MUC3A: variants seen among roughly 807,000 people sequenced by gnomAD.
MUC3A encodes the protein mucin-3A.
In MUC3A, 109 loss-of-function variants were observed where a neutral mutation model predicts 109.0. The ratio of observed to expected loss-of-function variants is 1.00; its 90% CI spans 0.86 to 1.17. The LOEUF (loss-of-function observed/expected upper bound fraction) is 1.17. Among genes scored for constraint, MUC3A ranks in the 50% most tolerant of loss-of-function variants. MUC3A has a pLI of 0.00. For synonymous variants in MUC3A, 1,398 were observed against 981.4 expected, an observed-to-expected ratio of 1.42 and a Z score of -7.93; for missense variants, 3,537 against 2,469.4, an observed-to-expected ratio of 1.43 and a Z score of -9.16.
In MUC3A at chr7:100,959,350, A is replaced by C; in HGVS notation, c.7571A>C (p.His2524Pro). 1 of 1,541,456 alleles carries C rather than the reference A, an allele frequency of 6.5e-7. No individual in the cohort carries two copies. Among genetic ancestry groups the C allele is most frequent in the Admixed American group, 1.9e-5 (1 of 52,846 alleles). ...TDISTLPTRT[H>P]IISSSPSIQS... is the part of the protein sequence containing the mutation. ...ATCAGTACCTTACCAACTCGAACAC[A>C]CATCATTTCATCTTCTCCCTCCATC... Residue 2524 changes from histidine to proline, a missense_variant, in exon 2 of 12, where the codon CAC becomes CCC. His to Pro is a moderately conservative substitution (Grantham distance 77). Transcript: ENST00000379458.
At position 100,959,508 on chromosome 7, in the gene MUC3A, C is replaced by CAA; in HGVS notation, c.7729_7730insAA (p.Pro2577GlnfsTer9). ...AAGTATTGTTGTTATACCTGAAACC[C>CAA]CAACACAGACCCCTCCTGTACTGAC... On this transcript the variant is annotated frameshift_variant, in exon 2 of 12. Transcript: ENST00000379458. LOFTEE classifies it high-confidence loss of function. The CAA allele has an allele frequency of 6.3e-7, 1 of 1,575,416 alleles. No individual in the cohort carries two copies.
At chr7:100,965,139 T>TCCACA in intron 6 of MUC3A, 143 bp from the exon 7 acceptor site, 11 of 10,784 alleles carry the variant, frequency 1.0e-3, no homozygotes, top group African/African-American at 4.0e-3. Flanking sequence ...CGCCTGTGGC[T>TCCACA]CTCTCCGTCT....
chr7:100,967,105 A>G lies in MUC3A; in HGVS notation c.9931-16A>G. The G allele has an allele frequency of 6.3e-7, 1 of 1,598,546 alleles. No individual in the cohort carries two copies. Among genetic ancestry groups the G allele is most frequent in the Non-Finnish European group, 8.5e-7 (1 of 1,179,822 alleles). ...CAGTGGCTCCGCGTTCCCGTCCCTC[A>G]CTGTGACTCTGACAGGTGCACATCA... On this transcript the variant is annotated splice_polypyrimidine_tract_variant and intron_variant, in intron 11 of 11. Transcript: ENST00000379458.
rs1792287699 is a variant in MUC3A, at chr7:100,960,523, C to A, written c.8744C>A (p.Pro2915His). The change falls in exon 2 of 12, where the codon CCC (proline) becomes CAC (histidine). Residue 2915 changes from proline (P) to histidine (H), a missense_variant. Coordinates refer to ENST00000379458, the MANE Select transcript of MUC3A (RefSeq NM_005960.2). ...TSSKSTHPSPPTTRTSETPVA... is the reference protein window; with the variant it reads ...TSSKSTHPSPHTTRTSETPVA... Reference sequence around the variant, plus strand: ...AGCAAGTCAACACACCCCTCCCCACCCACCACTAGGACTTCAGAGACACCA... The same window carrying A: ...AGCAAGTCAACACACCCCTCCCCACACACCACTAGGACTTCAGAGACACCA... 1 of 1,598,724 alleles carries A rather than the reference C, an allele frequency of 6.3e-7. No individual in the cohort carries two copies. Among genetic ancestry groups the A allele is most frequent in the Non-Finnish European group, 8.5e-7 (1 of 1,179,822 alleles).
chr7:100,960,990 C>G, intron 3 of MUC3A, 53 bp downstream of exon 3: 2 of 1,597,862 alleles, frequency 1.3e-6, no homozygotes, highest in Middle Eastern at 1.7e-4. Flanking sequence ...GTGTCACTGA[C>G]TCTCCCCAGA....
chr7:100,960,382 C>A lies in MUC3A; in HGVS notation c.8603C>A (p.Thr2868Asn). ...NTVFTSTRLP[T>N]SETWLSNSSV... ...GTTTTCACAAGTACTCGACTGCCCA[C>A]CAGTGAGACCTGGCTGAGCAACAGT... The change falls in exon 2 of 12, where the codon ACC becomes AAC. Residue 2868 changes from threonine (T) to asparagine (N), a missense_variant. Physicochemically the swap from Thr to Asn is moderately conservative, Grantham distance 65. Coordinates refer to ENST00000379458, the MANE Select transcript of MUC3A (RefSeq NM_005960.2). 2 of 1,598,546 alleles carry A rather than the reference C, an allele frequency of 1.3e-6. No individual in the cohort carries two copies. The highest frequency in any genetic ancestry group is 1.7e-6 in the Non-Finnish European group (2 of 1,179,832).
chr7:100,957,346 C>A lies in MUC3A; in HGVS notation c.5567C>A (p.Thr1856Asn), dbSNP rs1002114063. ...GCTCTCACAGATTCCACGACCAGAA[C>A]CACCTATTCCACCAATATGACAGGT... Reference protein sequence around the residue: ...TSALTDSTTRTTYSTNMTGTL... With the variant: ...TSALTDSTTRNTYSTNMTGTL... The change falls in exon 2 of 12, where the codon ACC becomes AAC. Residue 1856 changes from threonine to asparagine, a missense_variant. By Grantham distance (65) the Thr-to-Asn change is moderately conservative. Transcript: ENST00000379458. 190 of 281,790 alleles carry A rather than the reference C, an allele frequency of 6.7e-4. 2 individuals carry two copies. In the South Asian group the frequency reaches 7.7e-3, roughly 11 times the overall value. 17.5% of individuals were successfully genotyped at this position (281,790 alleles called of 1,614,324 possible). A position where few individuals can be genotyped will look rare whatever the true frequency, so the allele number is the denominator to read the frequency against.
rs73714270 is a variant in MUC3A, at chr7:100,960,948, A to T, written c.9052+11A>T. 5.6e-6 allele frequency: 9 copies of T among 1,598,298 alleles called. No individual in the cohort carries two copies. Among genetic ancestry groups the T allele is most frequent in the African/African-American group, 4.0e-5 (3 of 74,964 alleles). ...AACAGGTGGATCTAGGTGAGTTGCCAGAGCTATGCCTTCTGCACTTCCTCC... is the reference window on the plus strand; with the variant it reads ...AACAGGTGGATCTAGGTGAGTTGCCTGAGCTATGCCTTCTGCACTTCCTCC... On this transcript the variant is annotated intron_variant, in intron 3 of 11. Coordinates refer to ENST00000379458, the MANE Select transcript of MUC3A (RefSeq NM_005960.2).
In MUC3A at chr7:100,952,727, C is replaced by T. The variant is rs768189628; in HGVS notation, c.948C>T (p.Thr316=). ...SGITNTTPLS[T]LVTTLPTTIS... ...TCACAAACACCACCCCCCTATCCAC[C>T]TTGGTGACCACACTCCCCACTACCA... The change falls in exon 2 of 12, where the codon ACC becomes ACT. Residue 316 remains threonine, a synonymous_variant. Transcript: ENST00000379458. 6.3e-7 allele frequency: 1 copy of T among 1,590,138 alleles called. No individual in the cohort carries two copies.
In MUC3A at chr7:100,952,128, C is replaced by T. The variant is rs1344894793; in HGVS notation, c.349C>T (p.Pro117Ser). The T allele has an allele frequency of 1.3e-6, 2 of 1,598,550 alleles. No individual in the cohort carries two copies. Among genetic ancestry groups the T allele is most frequent in the East Asian group, 2.2e-5 (1 of 44,892 alleles). ...KFAFKVETTP[P>S]TVLVYSATTE... ...TGCCTTCAAGGTTGAAACCACTCCA[C>T]CCACCGTGTTGGTCTATTCAGCCAC... is the stretch of plus-strand genomic sequence containing the variant. The change falls in exon 2 of 12, where the codon CCC becomes TCC. Residue 117 changes from proline (P) to serine (S), a missense_variant. Pro to Ser is a moderately conservative substitution (Grantham distance 74). Coordinates refer to ENST00000379458, the MANE Select transcript of MUC3A (RefSeq NM_005960.2).
chr7:100,961,640 C>A (rs1283553352), intron 3 of MUC3A, among the ~76,000 whole-genome samples: 2 of 148,572 alleles, frequency 1.3e-5, no homozygotes, highest in Non-Finnish European at 3.0e-5. Flanking sequence ...CTAGCCTGGC[C>A]AACATGGTGA....
intron 1 of MUC3A, among the ~76,000 whole-genome samples, chr7:100,950,221 C>T (rs1381862723): frequency 2.0e-5 from 3 of 152,312 alleles, no homozygotes; most frequent in South Asian, 2.1e-4. Context: ...TTACCCCGGC[C>T]AGGGCCCATG....
In MUC3A at chr7:100,955,991, C is replaced by G; in HGVS notation, c.4212C>G (p.Thr1404=). 1 of 399,498 alleles carries G rather than the reference C, an allele frequency of 2.5e-6. No individual in the cohort carries two copies. Among genetic ancestry groups the G allele is most frequent in the Non-Finnish European group, 4.3e-6 (1 of 233,898 alleles). 24.7% of individuals were successfully genotyped at this position (399,498 alleles called of 1,614,324 possible). The change falls in exon 2 of 12, where the codon ACC becomes ACG. Residue 1404 remains threonine, a synonymous_variant. Coordinates refer to ENST00000379458, the MANE Select transcript of MUC3A (RefSeq NM_005960.2). The part of the protein sequence containing the change: ...TDTMTSMRTT[T]SWPTATNTLS... ...CAATGACTTCTATGAGAACTACGAC[C>G]TCTTGGCCCACAGCCACTAATACGT...
chr7:100,961,133 C>T (rs1792312970), intron 3 of MUC3A, 196 bp downstream of exon 3: 8 of 949,478 alleles, frequency 8.4e-6, no homozygotes, highest in African/African-American at 1.8e-5. Flanking sequence ...GTGGCTGGGA[C>T]TACCCTCCCT....
At position 100,963,286 on chromosome 7, in the gene MUC3A, G is replaced by GTTTTTTTT; in HGVS notation, c.9168+20_9168+21insTTTTTTTT. 8 of 1,494,208 alleles carry GTTTTTTTT rather than the reference G, an allele frequency of 5.4e-6. No individual in the cohort carries two copies. Among genetic ancestry groups the GTTTTTTTT allele is most frequent in the Non-Finnish European group, 7.1e-6 (8 of 1,119,900 alleles). 92.6% of individuals were successfully genotyped at this position (1,494,208 alleles called of 1,614,324 possible). A position where few individuals can be genotyped will look rare whatever the true frequency, so the allele number is the denominator to read the frequency against. On this transcript the variant is annotated intron_variant, in intron 4 of 11. Transcript: ENST00000379458. Reference sequence around the variant, plus strand: ...AATCAGGTAAAGGGCAAAGAGAGGGGATTTTTTTTTTTTTTTTGAGGTGTA... The same window carrying GTTTTTTTT: ...AATCAGGTAAAGGGCAAAGAGAGGGGTTTTTTTTATTTTTTTTTTTTTTTTGAGGTGTA...
Position 100,958,321 on chromosome 7 carries a change from C to T in MUC3A, c.6542C>T (p.Thr2181Ile), listed in dbSNP as rs1792158929. Residue 2181 changes from threonine to isoleucine, a missense_variant, in exon 2 of 12, where the codon ACA becomes ATA. By Grantham distance (89) the Thr-to-Ile change is moderately conservative. Coordinates refer to ENST00000379458, the MANE Select transcript of MUC3A (RefSeq NM_005960.2). ...CACAGGTGGGGGACCACCGAGACCA[C>T]ATCCTACAGTACTCCCAGCTTCACT... is the stretch of plus-strand genomic sequence containing the variant. ...TSHRWGTTETTSYSTPSFTSS... is the reference protein window; with the variant it reads ...TSHRWGTTETISYSTPSFTSS... The T allele has an allele frequency of 2.9e-5, 2 of 68,968 alleles. No individual in the cohort carries two copies. The highest frequency in any genetic ancestry group is 2.4e-5 in the Non-Finnish European group (1 of 42,302). The allele number at this position is 68,968 out of a possible 1,614,324, so 4.3% of individuals were successfully genotyped here.
At position 100,965,717 on chromosome 7, in the gene MUC3A, C is replaced by T. The variant is rs949387931; in HGVS notation, c.9462C>T (p.Arg3154=). The change falls in exon 8 of 12, where the codon CGC becomes CGT. Residue 3154 remains arginine (R), a synonymous_variant. Coordinates refer to ENST00000379458, the MANE Select transcript of MUC3A (RefSeq NM_005960.2). ...CCCAACCCCCAGCCATCTGCCGCCGCGCCGCTCCCACGGGCTATGAAGAGT... is the reference window on the plus strand; with the variant it reads ...CCCAACCCCCAGCCATCTGCCGCCGTGCCGCTCCCACGGGCTATGAAGAGT... ...TELTPAAICR[R]AAPTGYEEFY... 3 of 1,597,314 alleles carry T rather than the reference C, an allele frequency of 1.9e-6. No individual in the cohort carries two copies. Among genetic ancestry groups the T allele is most frequent in the East Asian group, 2.2e-5 (1 of 44,876 alleles).
Position 100,966,490 on chromosome 7 carries a change from T to TGCTGCTGCTGCTGGC in MUC3A, c.9721_9735dup (p.Leu3241_Leu3245dup). 2.3e-6 allele frequency: 3 copies of TGCTGCTGCTGCTGGC among 1,308,166 alleles called. No homozygotes were observed. Among genetic ancestry groups the TGCTGCTGCTGCTGGC allele is most frequent in the Middle Eastern group, 2.3e-4 (1 of 4,268 alleles). 81.0% of individuals were successfully genotyped at this position (1,308,166 alleles called of 1,614,324 possible). On this transcript the variant is annotated inframe_insertion, in exon 9 of 12. Coordinates refer to ENST00000379458, the MANE Select transcript of MUC3A (RefSeq NM_005960.2). The stretch of plus-strand genomic sequence containing the variant: ...CTGACGGCCGGCGCCGCGCTGCTGG[T>TGCTGCTGCTGCTGGC]GCTGCTGCTGCTGGCGCTGGGCGTC...
At position 100,955,274 on chromosome 7, in the gene MUC3A, A is replaced by G; in HGVS notation, c.3495A>G (p.Thr1165=). 5 of 764,582 alleles carry G rather than the reference A, an allele frequency of 6.5e-6. No individual in the cohort carries two copies. Among genetic ancestry groups the G allele is most frequent in the Non-Finnish European group, 1.2e-5 (5 of 417,720 alleles). The allele number at this position is 764,582 out of a possible 1,614,324, so 47.4% of individuals were successfully genotyped here. A position where few individuals can be genotyped will look rare whatever the true frequency, so the allele number is the denominator to read the frequency against. Residue 1165 remains threonine, a synonymous_variant, in exon 2 of 12, where the codon ACA becomes ACG. Coordinates refer to ENST00000379458, the MANE Select transcript of MUC3A (RefSeq NM_005960.2). ...CAACCATCTACTCCACAGTCAGCAC[A>G]TCCACAACTGCCATCTCCTCAGCTT... ...TSSTIYSTVS[T]STTAISSASP... is the part of the protein sequence containing the mutation.
Sources: gnomAD v4.1 joint callset for allele counts (sites outside exome capture counted in the v4.1 genomes callset) on GRCh38, gnomAD v4.1.1 for gene constraint, MANE v1.5 for transcripts, NCBI Gene and HGNC (gene_info 2026-07-23, HGNC 2026-07-21) for gene names.